ABCB1: variants seen among roughly 807,000 people sequenced by gnomAD.
ABCB1 encodes the protein ATP binding cassette subfamily B member 1, also known as ATP-dependent translocase ABCB1.
Under a neutral mutation model 142.0 loss-of-function variants are expected in ABCB1, and 69 were observed. The observed-to-expected ratio is 0.49, with a 90% CI of 0.40 to 0.59. The LOEUF (loss-of-function observed/expected upper bound fraction) is 0.59, where lower values mean the gene tolerates loss of function less well. Among genes scored for constraint, ABCB1 ranks in the 20% least tolerant of loss-of-function variants. ABCB1 has a pLI of 0.00. For synonymous variants in ABCB1, 532 were observed against 539.2 expected, an observed-to-expected ratio of 0.99 and a Z score of 0.18; for missense variants, 1,326 against 1,554.7, an observed-to-expected ratio of 0.85 and a Z score of 2.47.
At chr7:87,567,073 G>A (rs1022500812) in intron 5 of ABCB1, 97 bp from the exon 6 acceptor site, 12 of 1,134,370 alleles carry the variant, frequency 1.1e-5, no homozygotes, top group Non-Finnish European at 1.6e-5. Flanking sequence ...ACTTATCTGG[G>A]TATCTCGCCA....
chr7:87,702,035 T>C (rs982915315), intron 1 of ABCB1, among the ~76,000 whole-genome samples: 2 of 147,064 alleles, frequency 1.4e-5, no homozygotes, highest in East Asian at 2.0e-4. Flanking sequence ...CCCAGCTACT[T>C]GGGAGGCTGA....
At chr7:87,508,497 T>C (rs764078103) in intron 26 of ABCB1, among the ~76,000 whole-genome samples, 32 of 152,108 alleles carry the variant, frequency 2.1e-4, no homozygotes, top group Middle Eastern at 3.2e-3. Context: ...ACACAAAAAC[T>C]AATACACAGG....
At chr7:87,559,023 C>G (rs978884818) in intron 8 of ABCB1, among the ~76,000 whole-genome samples, 6 of 151,670 alleles carry the variant, frequency 4.0e-5, no homozygotes, top group Admixed American at 3.9e-4. Flanking sequence ...TGAAACTGTC[C>G]TTTAGTTTTC....
At chr7:87,550,349 T>C (rs1455125680) in intron 11 of ABCB1, 53 bp from the exon 12 acceptor site, 10 of 1,613,228 alleles carry the variant, frequency 6.2e-6, no homozygotes, top group Admixed American at 5.0e-5. Flanking sequence ...ACACAGGATA[T>C]AGGAACTGAC....
intron 1 of ABCB1, among the ~76,000 whole-genome samples, chr7:87,616,876 A>G (rs979657292): frequency 2.6e-5 from 4 of 152,106 alleles, no homozygotes; most frequent in East Asian, 3.9e-4. Flanking sequence ...TAAGAAACCA[A>G]TTGGTCTCTT....
At chr7:87,582,271 A>G (rs767452833) in intron 4 of ABCB1, among the ~76,000 whole-genome samples, 6 of 152,238 alleles carry the variant, frequency 3.9e-5, no homozygotes, top group Non-Finnish European at 7.3e-5. Flanking sequence ...CACTTTGTGT[A>G]GGAGATAGAT....
chr7:87,585,226 C>T (rs1248845033), intron 4 of ABCB1, among the ~76,000 whole-genome samples: 1 of 152,144 alleles, frequency 6.6e-6, no homozygotes, highest in Non-Finnish European at 1.5e-5. Context: ...ATTCAAGGTT[C>T]TAATTAAGTT....
intron 8 of ABCB1, among the ~76,000 whole-genome samples, chr7:87,559,595 C>T (rs1216054110): frequency 6.6e-6 from 1 of 151,880 alleles, no homozygotes; most frequent in Non-Finnish European, 1.5e-5. Context: ...ATTTTTCTTT[C>T]CCTAACTTCT....
intron 1 of ABCB1, among the ~76,000 whole-genome samples, chr7:87,654,936 A>T (rs905969739): frequency 1.5e-4 from 23 of 152,152 alleles, no homozygotes; most frequent in African/African-American, 5.1e-4. Context: ...GTATATAAAA[A>T]GGTGCTCAAA....
chr7:87,627,484 A>G (rs1245786916), intron 1 of ABCB1: 4 of 152,264 alleles, frequency 2.6e-5, no homozygotes, highest in Non-Finnish European at 5.9e-5. Flanking sequence ...GCTAGGTCCC[A>G]TAGGGAGAGT....
chr7:87,661,826 A>G (rs973960705), intron 1 of ABCB1, among the ~76,000 whole-genome samples: 9 of 152,012 alleles, frequency 5.9e-5, no homozygotes, highest in Non-Finnish European at 8.8e-5. Flanking sequence ...AGAAACCCCT[A>G]TACTTTTCTC....
At chr7:87,564,555 A>C (rs1181765536) in intron 7 of ABCB1, among the ~76,000 whole-genome samples, 1 of 152,172 alleles carries the variant, frequency 6.6e-6, no homozygotes, top group East Asian at 1.9e-4. Flanking sequence ...CCTTTCTGCT[A>C]TATCTATTTG....
At chr7:87,525,970 C>A (rs1055885586) in intron 21 of ABCB1, among the ~76,000 whole-genome samples, 1 of 152,160 alleles carries the variant, frequency 6.6e-6, no homozygotes, top group Non-Finnish European at 1.5e-5. Context: ...TCCTGAATAA[C>A]CGAAACTCTT....
intron 21 of ABCB1, among the ~76,000 whole-genome samples, chr7:87,523,402 T>C (rs892587621): frequency 6.6e-6 from 1 of 152,002 alleles, no homozygotes; most frequent in African/African-American, 2.4e-5. Context: ...TGGAGGCAGG[T>C]GGATCATTTG....
intron 5 of ABCB1, among the ~76,000 whole-genome samples, chr7:87,568,820 T>C (rs997016302): frequency 1.1e-4 from 16 of 152,238 alleles, no homozygotes; most frequent in South Asian, 2.1e-4. Flanking sequence ...GTGTTCATTA[T>C]ATAGCAAGAG....
At position 87,656,799 on chromosome 7, in the gene ABCB1, A is replaced by ATTTAT. The variant is rs1824148781; in HGVS notation, c.-330-55722_-330-55721insATAAA. Among the ~76,000 whole-genome samples the ATTTAT allele has an allele frequency of 5.9e-5, 9 of 152,322 alleles. No homozygotes were observed. The South Asian group carries it at 1.9e-3, about 32-fold the overall frequency. On this transcript the variant is annotated intron_variant, in intron 1 of 28. Coordinates refer to the ABCB1 transcript ENST00000265724. ...TTTCTTCTAAACTTATTTATCCATCACTAAGCTACTTAAATTTCAAGTTAC... is the reference window on the plus strand; with the variant it reads ...TTTCTTCTAAACTTATTTATCCATCATTTATCTAAGCTACTTAAATTTCAAGTTAC...
chr7:87,589,829 AGAGAGAGG>A (rs1421135395), intron 3 of ABCB1, among the ~76,000 whole-genome samples: 39 of 147,326 alleles, frequency 2.6e-4, no homozygotes, highest in African/African-American at 9.4e-4. Flanking sequence ...AGAGAGAGAG[AGAGAGAGG>A]GAGAGAGGGA....
intron 4 of ABCB1, among the ~76,000 whole-genome samples, chr7:87,581,852 T>A (rs1015806990): frequency 2.0e-5 from 3 of 152,064 alleles, no homozygotes; most frequent in Non-Finnish European, 1.5e-5. Context: ...TCCACCCCCA[T>A]GGAGAGATAA....
chr7:87,640,127 A>C (rs955399020), intron 1 of ABCB1, among the ~76,000 whole-genome samples: 1 of 149,958 alleles, frequency 6.7e-6, no homozygotes, highest in Non-Finnish European at 1.5e-5. Flanking sequence ...AACTTTTACT[A>C]CTTCTCCAAT....
Sources: gnomAD v4.1 joint callset for allele counts (sites outside exome capture counted in the v4.1 genomes callset) on GRCh38, gnomAD v4.1.1 for gene constraint, MANE v1.5 for transcripts, NCBI Gene and HGNC (gene_info 2026-07-23, HGNC 2026-07-21) for gene names.